Variants in ST6GALNAC3 observed in about 807,000 individuals in gnomAD.
The protein encoded by ST6GALNAC3 is alpha-N-acetylgalactosaminide alpha-2,6-sialyltransferase 3.
Under a neutral mutation model 32.7 loss-of-function variants are expected in ST6GALNAC3, and 25 were observed. The ratio of observed to expected loss-of-function variants is 0.76; its 90% CI spans 0.56 to 1.07. ST6GALNAC3 has a LOEUF of 1.07. Among genes scored for constraint, ST6GALNAC3 ranks in the 50% least tolerant of loss-of-function variants. The pLI, the probability that ST6GALNAC3 is intolerant of heterozygous loss-of-function variation, is 0.00. For missense variants in ST6GALNAC3, 355 were observed against 382.4 expected, an observed-to-expected ratio of 0.93 and a Z score of 0.60; for synonymous variants, 129 against 133.1, an observed-to-expected ratio of 0.97 and a Z score of 0.21.
At chr1:76,407,140 T>G (rs1381051649) in intron 2 of ST6GALNAC3, among the ~76,000 whole-genome samples, 1 of 152,010 alleles carries the variant, frequency 6.6e-6, no homozygotes, top group African/African-American at 2.4e-5. Context: ...AAATGACTTG[T>G]TTTACAAAGC....
At chr1:76,261,011 C>T (rs1004036582) in intron 1 of ST6GALNAC3, among the ~76,000 whole-genome samples, 1 of 151,056 alleles carries the variant, frequency 6.6e-6, no homozygotes, top group Non-Finnish European at 1.5e-5. Flanking sequence ...CACACACACA[C>T]GCTGTGAAAT....
At chr1:76,512,571 A>T (rs535123921) in intron 3 of ST6GALNAC3, among the ~76,000 whole-genome samples, 10 of 152,314 alleles carry the variant, frequency 6.6e-5, no homozygotes, top group African/African-American at 2.2e-4. Flanking sequence ...ACAGTGGTGG[A>T]ACATTCAAAA....
chr1:76,224,472 A>G (rs1655958724), intron 1 of ST6GALNAC3, among the ~76,000 whole-genome samples: 1 of 152,180 alleles, frequency 6.6e-6, no homozygotes, highest in Non-Finnish European at 1.5e-5. Flanking sequence ...TAGTGCTAGA[A>G]TCAACATTGC....
intron 3 of ST6GALNAC3, among the ~76,000 whole-genome samples, chr1:76,434,955 T>G (rs1438796873): frequency 6.6e-6 from 1 of 151,858 alleles, no homozygotes; most frequent in African/African-American, 2.4e-5. Flanking sequence ...GAGGCCCAGT[T>G]AATTTTTGTA....
chr1:76,120,132 G>A (rs17609913), intron 1 of ST6GALNAC3, among the ~76,000 whole-genome samples: 11,262 of 152,296 alleles, frequency 0.074, 576 homozygotes, highest in Middle Eastern at 0.18. Flanking sequence ...TGACCATTTA[G>A]ATGGAAATAA....
At chr1:76,430,028 G>T (rs1655648285) in intron 3 of ST6GALNAC3, among the ~76,000 whole-genome samples, 1 of 152,114 alleles carries the variant, frequency 6.6e-6, no homozygotes, top group South Asian at 2.1e-4. Context: ...AACTAGGTTG[G>T]CCTTTAGGCA....
chr1:76,445,295 TG>T (rs969500480), intron 3 of ST6GALNAC3, among the ~76,000 whole-genome samples: 48 of 152,196 alleles, frequency 3.2e-4, no homozygotes, highest in Non-Finnish European at 5.6e-4. Flanking sequence ...TAGCATCTCC[TG>T]GGTACATGAT....
At chr1:76,351,332 A>G (rs1202680333) in intron 2 of ST6GALNAC3, among the ~76,000 whole-genome samples, 2 of 152,182 alleles carry the variant, frequency 1.3e-5, no homozygotes, top group Non-Finnish European at 2.9e-5. Context: ...TATTTCATTT[A>G]TAACATTTTC....
intron 3 of ST6GALNAC3, among the ~76,000 whole-genome samples, chr1:76,560,305 G>A (rs1046895116): frequency 1.7e-4 from 26 of 152,034 alleles, no homozygotes; most frequent in Non-Finnish European, 3.4e-4. Context: ...CCCAAAAGTA[G>A]AGGCCACCAA....
intron 3 of ST6GALNAC3, among the ~76,000 whole-genome samples, chr1:76,441,327 C>G (rs1000572909): frequency 6.6e-6 from 1 of 151,896 alleles, no homozygotes. Flanking sequence ...CTCAATAATC[C>G]TATGAGGCAG....
At chr1:76,154,510 C>A (rs1156329111) in intron 1 of ST6GALNAC3, among the ~76,000 whole-genome samples, 2 of 152,212 alleles carry the variant, frequency 1.3e-5, no homozygotes, top group Admixed American at 6.5e-5. Context: ...GCAAATGAAG[C>A]ACAGCCACTG....
At chr1:76,337,068 C>A (rs974460170) in intron 2 of ST6GALNAC3, among the ~76,000 whole-genome samples, 4 of 152,214 alleles carry the variant, frequency 2.6e-5, no homozygotes, top group Non-Finnish European at 4.4e-5. Context: ...TTATTCGAAT[C>A]TGCTCATGGC....
At chr1:76,394,034 G>A (rs1236255594) in intron 2 of ST6GALNAC3, among the ~76,000 whole-genome samples, 1 of 152,148 alleles carries the variant, frequency 6.6e-6, no homozygotes, top group African/African-American at 2.4e-5. Flanking sequence ...ATGCTCTGTG[G>A]GGTGGCTTTC....
chr1:76,109,177 AG>A (rs1393310969), intron 1 of ST6GALNAC3, among the ~76,000 whole-genome samples: 1 of 152,190 alleles, frequency 6.6e-6, no homozygotes, highest in Admixed American at 6.5e-5. Flanking sequence ...CAGACTTGCT[AG>A]GTATGACTTC....
At chr1:76,142,328 C>G (rs1299092594) in intron 1 of ST6GALNAC3, among the ~76,000 whole-genome samples, 2 of 152,130 alleles carry the variant, frequency 1.3e-5, no homozygotes, top group African/African-American at 4.8e-5. Flanking sequence ...TAGATGTGGC[C>G]TGGCGTCTAG....
intron 2 of ST6GALNAC3, among the ~76,000 whole-genome samples, chr1:76,376,838 G>T (rs534384366): frequency 6.6e-6 from 1 of 151,744 alleles, no homozygotes; most frequent in Non-Finnish European, 1.5e-5. Flanking sequence ...ATCTTCCTCC[G>T]GGTTACTTGA....
chr1:76,280,460 G>T (rs1031374921), intron 1 of ST6GALNAC3, among the ~76,000 whole-genome samples: 2 of 152,044 alleles, frequency 1.3e-5, no homozygotes, highest in Non-Finnish European at 2.9e-5. Context: ...TTTGGTAAAT[G>T]AATACCTAAT....
At chr1:76,322,135 G>A (rs1419739020) in intron 2 of ST6GALNAC3, among the ~76,000 whole-genome samples, 1 of 152,036 alleles carries the variant, frequency 6.6e-6, no homozygotes, top group Non-Finnish European at 1.5e-5. Flanking sequence ...GACAAGCAAA[G>A]GAAAACAAAA....
intron 1 of ST6GALNAC3, among the ~76,000 whole-genome samples, chr1:76,218,942 T>A (rs1204937826): frequency 2.0e-5 from 3 of 152,226 alleles, no homozygotes; most frequent in African/African-American, 7.2e-5. Context: ...TGCATGTATT[T>A]TGAATTTAAT....
Sources: allele counts gnomAD v4.1 joint callset (sites outside exome capture counted in the v4.1 genomes callset), GRCh38; gene constraint gnomAD v4.1.1; transcripts MANE v1.5; gene names NCBI Gene and HGNC (gene_info 2026-07-23, HGNC 2026-07-21).